RABGAP1L: variants seen among roughly 807,000 people sequenced by gnomAD.
RABGAP1L encodes the protein RAB GTPase activating protein 1 like, also known as rab GTPase-activating protein 1-like.
Under a neutral mutation model 137.7 loss-of-function variants are expected in RABGAP1L, and 63 were observed. That is an observed-to-expected ratio of 0.46 (90% CI 0.37 to 0.56). RABGAP1L has a LOEUF of 0.56. Ranked by LOEUF, RABGAP1L falls within the 20% of genes least tolerant of loss-of-function variation. The pLI is 0.00. For missense variants in RABGAP1L, 1,095 were observed against 1,244.0 expected (o/e 0.88, Z 1.80); for synonymous variants, 431 against 433.7 (o/e 0.99, Z 0.08).
intron 13 of RABGAP1L, among the ~76,000 whole-genome samples, chr1:174,506,214 G>T (rs532021251): frequency 1.3e-5 from 2 of 152,270 alleles, no homozygotes; most frequent in African/African-American, 4.8e-5. Flanking sequence ...GAGATCTATT[G>T]TATATCATGG....
At chr1:174,902,508 T>C (rs1242333615) in intron 19 of RABGAP1L, among the ~76,000 whole-genome samples, 1 of 152,206 alleles carries the variant, frequency 6.6e-6, no homozygotes, top group African/African-American at 2.4e-5. Context: ...ATTTCCCACC[T>C]TTCTGGGAAT....
At chr1:174,532,144 G>C (rs143019175) in intron 13 of RABGAP1L, among the ~76,000 whole-genome samples, 1 of 152,132 alleles carries the variant, frequency 6.6e-6, no homozygotes, top group Non-Finnish European at 1.5e-5. Flanking sequence ...GCTGATTAGA[G>C]GGCCTATTGA....
chr1:174,617,072 T>C (rs538222995), intron 13 of RABGAP1L, among the ~76,000 whole-genome samples: 1 of 152,296 alleles, frequency 6.6e-6, no homozygotes, highest in Admixed American at 6.5e-5. Flanking sequence ...TAAAAAGGAA[T>C]ATACTGTGTC....
intron 11 of RABGAP1L, among the ~76,000 whole-genome samples, chr1:174,307,934 A>G (rs1027979262): frequency 4.6e-5 from 7 of 152,094 alleles, no homozygotes; most frequent in African/African-American, 7.2e-5. Flanking sequence ...ATATCTACCA[A>G]TAGTGTTCAA....
At chr1:174,477,441 T>G (rs1258439637) in intron 13 of RABGAP1L, among the ~76,000 whole-genome samples, 2 of 152,228 alleles carry the variant, frequency 1.3e-5, no homozygotes, top group East Asian at 3.8e-4. Flanking sequence ...ATTTTTATCT[T>G]ATTTCTAGTG....
intron 14 of RABGAP1L, among the ~76,000 whole-genome samples, chr1:174,656,238 C>T (rs1314640355): frequency 1.3e-5 from 2 of 152,188 alleles, no homozygotes; most frequent in Non-Finnish European, 2.9e-5. Context: ...GGGTGGATGA[C>T]CTGAGGTCAG....
At chr1:174,181,340 C>CTTTTTTTT (rs1179097330) in intron 1 of RABGAP1L, among the ~76,000 whole-genome samples, 1 of 138,930 alleles carries the variant, frequency 7.2e-6, no homozygotes. Context: ...TTCTTTTTTT[C>CTTTTTTTT]TTTTTTTTTT....
intron 13 of RABGAP1L, among the ~76,000 whole-genome samples, chr1:174,576,046 T>G (rs1668349785): frequency 6.6e-6 from 1 of 152,152 alleles, no homozygotes; most frequent in Admixed American, 6.5e-5. Flanking sequence ...AGTGTGTGCA[T>G]CAGTAATTTC....
At position 174,349,122 on chromosome 1, in the gene RABGAP1L, C is replaced by T. The variant is rs546949928; in HGVS notation, c.1466-21857C>T. Among the ~76,000 whole-genome samples the T allele has an allele frequency of 5.4e-4, 74 of 136,074 alleles. 1 individual carries two copies. The South Asian group carries it at 0.014, about 25-fold the overall frequency. The allele number at this position is 136,074 out of a possible 152,430, so 89.3% of individuals were successfully genotyped here. ...GCGGGGGGCTGACACCCCCACCTCC[C>T]GGACGGGGCGGCTGGCCGGGCAGAG... On this transcript the variant is annotated intron_variant, in intron 11 of 25. Transcript: ENST00000681986.
chr1:174,951,302 C>G (rs778336834), intron 19 of RABGAP1L, among the ~76,000 whole-genome samples: 17 of 152,226 alleles, frequency 1.1e-4, no homozygotes, highest in Admixed American at 4.6e-4. Context: ...AGGGCAGGCT[C>G]TGGAGGCCAA....
chr1:174,449,972 T>TAG (rs1408822806), intron 13 of RABGAP1L, among the ~76,000 whole-genome samples: 2 of 152,196 alleles, frequency 1.3e-5, no homozygotes, highest in Non-Finnish European at 2.9e-5. Context: ...ATCTACTGTA[T>TAG]AGAGCATCCA....
At chr1:174,781,780 C>A (rs1448445555) in intron 18 of RABGAP1L, among the ~76,000 whole-genome samples, 1 of 152,164 alleles carries the variant, frequency 6.6e-6, no homozygotes, top group African/African-American at 2.4e-5. Flanking sequence ...CAGGTTTCTA[C>A]ATATGGCTAG....
chr1:174,505,645 A>C (rs1473514566), intron 13 of RABGAP1L, among the ~76,000 whole-genome samples: 1 of 152,128 alleles, frequency 6.6e-6, no homozygotes, highest in Non-Finnish European at 1.5e-5. Flanking sequence ...AAAAAGACAA[A>C]AGATAAGTGT....
intron 13 of RABGAP1L, among the ~76,000 whole-genome samples, chr1:174,526,013 G>A (rs552349810): frequency 1.3e-4 from 19 of 151,914 alleles, no homozygotes; most frequent in African/African-American, 2.4e-4. Flanking sequence ...TTTGATTTTC[G>A]TTTCCCTGAT....
chr1:174,923,740 G>C (rs1662190191), intron 19 of RABGAP1L, among the ~76,000 whole-genome samples: 1 of 152,072 alleles, frequency 6.6e-6, no homozygotes, highest in African/African-American at 2.4e-5. Flanking sequence ...AATTAGCTGA[G>C]TGTGGTGGCA....
At chr1:174,607,636 C>A (rs1262640852) in intron 13 of RABGAP1L, among the ~76,000 whole-genome samples, 2 of 152,154 alleles carry the variant, frequency 1.3e-5, no homozygotes, top group African/African-American at 4.8e-5. Flanking sequence ...TTACACTATT[C>A]CAGTTTTATT....
chr1:174,288,125 T>C (rs1676238827), intron 10 of RABGAP1L, among the ~76,000 whole-genome samples: 1 of 152,186 alleles, frequency 6.6e-6, no homozygotes, highest in Non-Finnish European at 1.5e-5. Context: ...ATCTCTCATA[T>C]TTTAGGTTAT....
intron 1 of RABGAP1L, among the ~76,000 whole-genome samples, chr1:174,198,111 C>T (rs1279623111): frequency 6.6e-6 from 1 of 152,144 alleles, no homozygotes; most frequent in Admixed American, 6.5e-5. Flanking sequence ...GACTTAGAAA[C>T]ACTGTTCTAA....
At chr1:174,657,490 A>G (rs1280048649) in intron 14 of RABGAP1L, among the ~76,000 whole-genome samples, 1 of 152,182 alleles carries the variant, frequency 6.6e-6, no homozygotes, top group Non-Finnish European at 1.5e-5. Flanking sequence ...GAATGAGAAC[A>G]TGCAGTATTT....
Sources: allele counts gnomAD v4.1 joint callset (sites outside exome capture counted in the v4.1 genomes callset), GRCh38; gene constraint gnomAD v4.1.1; transcripts MANE v1.5; gene names NCBI Gene and HGNC (gene_info 2026-07-23, HGNC 2026-07-21).